PGCKA1: variants seen among roughly 807,000 people sequenced by gnomAD.
The protein encoded by PGCKA1 is PDCD10 and GCKIII kinases-associated protein 1.
chr4:37,463,004 ATGACC>A, the PGCKA1 span, among the ~76,000 whole-genome samples: 4 of 151,342 alleles, frequency 2.6e-5, no homozygotes, highest in Non-Finnish European at 5.9e-5. Context: ...TGACAGAATC[ATGACC>A]TGGAAGGGGT....
chr4:37,544,723 A>C, the PGCKA1 span, among the ~76,000 whole-genome samples: 1 of 150,098 alleles, frequency 6.7e-6, no homozygotes, highest in Non-Finnish European at 1.5e-5. Flanking sequence ...TGTTATTGTC[A>C]GTGGCTTGGG....
chr4:37,457,455 C>T, the PGCKA1 span, among the ~76,000 whole-genome samples: 1 of 152,146 alleles, frequency 6.6e-6, no homozygotes, highest in Admixed American at 6.5e-5. Context: ...GACTCATTGC[C>T]GCATGCATAG....
chr4:37,480,560 T>G, the PGCKA1 span, among the ~76,000 whole-genome samples: 1 of 152,204 alleles, frequency 6.6e-6, no homozygotes, highest in South Asian at 2.1e-4. Context: ...GAGCACTTTC[T>G]CTTACAGACT....
chr4:37,539,016 A>G, the PGCKA1 span, among the ~76,000 whole-genome samples: 3 of 152,156 alleles, frequency 2.0e-5, no homozygotes, highest in Admixed American at 6.5e-5. Flanking sequence ...TGCATACCCT[A>G]AGAATGACCC....
At chr4:37,497,055 C>T in the PGCKA1 span, among the ~76,000 whole-genome samples, 1 of 152,024 alleles carries the variant, frequency 6.6e-6, no homozygotes, top group Non-Finnish European at 1.5e-5. Flanking sequence ...TACTCTGCAC[C>T]ACAAATATTA....
At chr4:37,550,331 C>T in the PGCKA1 span, among the ~76,000 whole-genome samples, 6 of 151,404 alleles carry the variant, frequency 4.0e-5, no homozygotes, top group Non-Finnish European at 8.8e-5. Flanking sequence ...GAATAGGGTG[C>T]AGTTCTCTAG....
chr4:37,507,856 A>G, the PGCKA1 span, among the ~76,000 whole-genome samples: 1 of 152,156 alleles, frequency 6.6e-6, no homozygotes, highest in African/African-American at 2.4e-5. Context: ...TTCTTGTTGA[A>G]CAGGTCTGGT....
At chr4:37,534,319 G>T in the PGCKA1 span, among the ~76,000 whole-genome samples, 25 of 152,272 alleles carry the variant, frequency 1.6e-4, no homozygotes, top group African/African-American at 4.6e-4. Flanking sequence ...ATCCATTCTG[G>T]CTTGGCCACA....
chr4:37,510,014 G>C, the PGCKA1 span, among the ~76,000 whole-genome samples: 1 of 151,720 alleles, frequency 6.6e-6, no homozygotes, highest in African/African-American at 2.4e-5. Context: ...AGAGGGAGAG[G>C]GAGAGGGGTT....
chr4:37,540,315 A>G, the PGCKA1 span, among the ~76,000 whole-genome samples: 1 of 152,206 alleles, frequency 6.6e-6, no homozygotes, highest in Admixed American at 6.5e-5. Context: ...TTTGGAAAAG[A>G]CCAGATCTGA....
At chr4:37,538,112 C>CAAGATT in the PGCKA1 span, among the ~76,000 whole-genome samples, 1 of 151,524 alleles carries the variant, frequency 6.6e-6, no homozygotes, top group Non-Finnish European at 1.5e-5. Context: ...AGAACCAGAG[C>CAAGATT]CTCAAATCTT....
chr4:37,530,212 A>G, the PGCKA1 span, among the ~76,000 whole-genome samples: 1 of 152,152 alleles, frequency 6.6e-6, no homozygotes, highest in Non-Finnish European at 1.5e-5. Context: ...GAATTTACCC[A>G]TTGGATCTTT....
the PGCKA1 span, among the ~76,000 whole-genome samples, chr4:37,539,421 C>T: frequency 6.6e-6 from 1 of 152,148 alleles, no homozygotes; most frequent in Non-Finnish European, 1.5e-5. Context: ...CTTTGGGAGG[C>T]CAAGGTGGGC....
chr4:37,521,298 G>A, the PGCKA1 span, among the ~76,000 whole-genome samples: 1 of 152,280 alleles, frequency 6.6e-6, no homozygotes, highest in Admixed American at 6.5e-5. Flanking sequence ...AGAACACCAG[G>A]TAGACATCTA....
chr4:37,506,560 T>C, the PGCKA1 span, among the ~76,000 whole-genome samples: 1 of 150,224 alleles, frequency 6.7e-6, no homozygotes, highest in South Asian at 2.2e-4. Context: ...ATTGTTGAAT[T>C]TCCATGTGTT....
chr4:37,472,784 C>T, the PGCKA1 span, among the ~76,000 whole-genome samples: 2 of 152,304 alleles, frequency 1.3e-5, no homozygotes, highest in Non-Finnish European at 2.9e-5. Flanking sequence ...TCTTCTCCTA[C>T]TTCTATGACC....
chr4:37,476,846 A>T, the PGCKA1 span, among the ~76,000 whole-genome samples: 2 of 152,208 alleles, frequency 1.3e-5, no homozygotes, highest in African/African-American at 4.8e-5. Context: ...CAGGTGTACC[A>T]CTTCATGACG....
At chr4:37,471,472 G>A in the PGCKA1 span, among the ~76,000 whole-genome samples, 4 of 152,162 alleles carry the variant, frequency 2.6e-5, no homozygotes, top group Non-Finnish European at 5.9e-5. Flanking sequence ...ATTCTAGAAT[G>A]AATATAATTT....
the PGCKA1 span, among the ~76,000 whole-genome samples, chr4:37,549,762 T>C: frequency 6.6e-6 from 1 of 152,048 alleles, no homozygotes; most frequent in Admixed American, 6.6e-5. Context: ...CCTCCGAGAC[T>C]ACCCTTAAAC....
Sources: gnomAD v4.1 joint callset for allele counts (sites outside exome capture counted in the v4.1 genomes callset) on GRCh38, gnomAD v4.1.1 for gene constraint, MANE v1.5 for transcripts, NCBI Gene and HGNC (gene_info 2026-07-23, HGNC 2026-07-21) for gene names.